Variants in CERS5 observed in about 807,000 individuals in gnomAD.
CERS5 encodes LAG1 homolog, ceramide synthase 5.
CERS5 carries 37 observed loss-of-function variants against 58.9 expected under a neutral mutation model. That is an observed-to-expected ratio of 0.63 (90% CI 0.48 to 0.83). The LOEUF is 0.83. Among genes scored for constraint, CERS5 ranks in the 40% least tolerant of loss-of-function variants. The pLI, the probability that CERS5 is intolerant of heterozygous loss-of-function variation, is 0.00. For synonymous variants in CERS5, 147 were observed against 177.8 expected, an observed-to-expected ratio of 0.83 and a Z score of 1.38; for missense variants, 398 against 489.3, an observed-to-expected ratio of 0.81 and a Z score of 1.76.
chr12:50,155,194 T>C (rs952521038), intron 1 of CERS5, among the ~76,000 whole-genome samples: 1 of 152,136 alleles, frequency 6.6e-6, no homozygotes, highest in African/African-American at 2.4e-5. Flanking sequence ...ATTTAAAATA[T>C]GGTAAAGTTG....
At position 50,135,780 on chromosome 12, in the gene CERS5, A is replaced by T. The variant is rs766161875; in HGVS notation, c.824T>A (p.Ile275Asn). The change falls in exon 8 of 10, where the codon ATC becomes AAC. Residue 275 changes from isoleucine (I) to asparagine (N), a missense_variant. Ile to Asn is a moderately radical substitution (Grantham distance 149, BLOSUM62 -3). This residue lies in a region of CERS5 where 328 missense variants were observed against 384.5 expected (regional missense o/e 0.85). Transcript: ENST00000317551. ...YQRLCDTLFVIFSAVFMVTRL... is the reference protein window; with the variant it reads ...YQRLCDTLFVNFSAVFMVTRL... ...TGTAACCATAAAAACAGCACTGAAG[A>T]TCACAAAAAGGGTGTCACAGAGCCG... 1 of 1,614,154 alleles carries T rather than the reference A, an allele frequency of 6.2e-7. No homozygotes were observed. The highest frequency in any genetic ancestry group is 8.5e-7 in the Non-Finnish European group (1 of 1,180,016).
At position 50,167,283 on chromosome 12, in the gene CERS5, C is replaced by A; in HGVS notation, c.15G>T (p.Ala5=). 6.5e-7 allele frequency: 1 copy of A among 1,543,156 alleles called. No individual in the cohort carries two copies. Among genetic ancestry groups the A allele is most frequent in the Non-Finnish European group, 8.7e-7 (1 of 1,153,776 alleles). The change falls in exon 1 of 10, where the codon GCG becomes GCT. Residue 5 remains alanine, a synonymous_variant. Coordinates refer to ENST00000317551, the MANE Select transcript of CERS5 (RefSeq NM_147190.5). ...CCCACAGCAAGCTTAGGGGTCCCTGCGCTGCTGTCGCCATCTTACGCCCAC... is the reference window on the plus strand; with the variant it reads ...CCCACAGCAAGCTTAGGGGTCCCTGAGCTGCTGTCGCCATCTTACGCCCAC... MATA[A]QGPLSLLWGW... is the part of the protein sequence containing the mutation.
At chr12:50,160,759 G>A (rs961438840) in intron 1 of CERS5, among the ~76,000 whole-genome samples, 2 of 152,134 alleles carry the variant, frequency 1.3e-5, no homozygotes, top group Non-Finnish European at 2.9e-5. Context: ...GATCCAAGAG[G>A]CCTACTTGGA....
intron 4 of CERS5, among the ~76,000 whole-genome samples, chr12:50,140,104 T>A (rs533218427): frequency 6.6e-6 from 1 of 152,192 alleles, no homozygotes; most frequent in Admixed American, 6.5e-5. Flanking sequence ...GAAATTTAGA[T>A]CAACTTTAAA....
chr12:50,163,461 G>A (rs1307173817), intron 1 of CERS5, among the ~76,000 whole-genome samples: 2 of 152,016 alleles, frequency 1.3e-5, no homozygotes, highest in African/African-American at 4.8e-5. Flanking sequence ...GCCTCCCAAA[G>A]TGCTGGGATT....
chr12:50,134,991 G>T (rs1394915287), intron 8 of CERS5, among the ~76,000 whole-genome samples: 1 of 151,838 alleles, frequency 6.6e-6, no homozygotes, highest in Non-Finnish European at 1.5e-5. Flanking sequence ...ACAGCAGTGG[G>T]ACTCTAATCC....
At chr12:50,163,342 G>A (rs1565810606) in intron 1 of CERS5, among the ~76,000 whole-genome samples, 2 of 151,420 alleles carry the variant, frequency 1.3e-5, no homozygotes, top group African/African-American at 4.8e-5. Context: ...GGGATTACAG[G>A]CGCCCGCCAC....
At position 50,132,037 on chromosome 12, in the gene CERS5, C is replaced by T. The variant is rs187710965; in HGVS notation, c.1030-1343G>A. 2.9e-3 allele frequency among the ~76,000 whole-genome samples: 443 copies of T among 150,844 alleles called. 13 individuals carry two copies. The highest frequency in any genetic ancestry group is 0.028 in the Admixed American group (418 of 15,078). ...GGAGCATCTCTTGAGCCCAGGAGGT[C>T]GAGGCTGCAGTGAGCCATGATTGCG... On this transcript the variant is annotated intron_variant, in intron 9 of 9. Coordinates refer to ENST00000317551, the MANE Select transcript of CERS5 (RefSeq NM_147190.5).
At chr12:50,132,712 G>C (rs61926148) in intron 9 of CERS5, among the ~76,000 whole-genome samples, 44,245 of 151,942 alleles carry the variant, frequency 0.29, 7,279 homozygotes, top group East Asian at 0.75. Flanking sequence ...ATTTCCACTA[G>C]AGGGCAGAGT....
At chr12:50,139,094 C>T (rs914518319) in intron 4 of CERS5, among the ~76,000 whole-genome samples, 7 of 152,030 alleles carry the variant, frequency 4.6e-5, no homozygotes, top group African/African-American at 1.2e-4. Flanking sequence ...TAGTGATAAC[C>T]CTTTCCATAT....
At chr12:50,146,557 T>C (rs752673982) in intron 1 of CERS5, among the ~76,000 whole-genome samples, 28 of 152,162 alleles carry the variant, frequency 1.8e-4, no homozygotes, top group Non-Finnish European at 3.5e-4. Context: ...TCCAGCTATA[T>C]GGAGCGTAAG....
chr12:50,161,784 G>GAAAAAAAAAAAAAAA (rs374177550), intron 1 of CERS5, among the ~76,000 whole-genome samples: 2,306 of 90,702 alleles, frequency 0.025, 309 homozygotes, highest in East Asian at 0.057. Flanking sequence ...CTCAAAAAAA[G>GAAAAAAAAAAAAAAA]AAAAAAAAAA....
intron 1 of CERS5, among the ~76,000 whole-genome samples, chr12:50,155,511 T>C (rs960837011): frequency 2.7e-5 from 4 of 150,098 alleles, no homozygotes; most frequent in South Asian, 2.1e-4. Context: ...CTGAGGCAGG[T>C]GGATCACGAG....
intron 1 of CERS5, among the ~76,000 whole-genome samples, chr12:50,164,222 A>G (rs1939623186): frequency 6.6e-6 from 1 of 151,468 alleles, no homozygotes; most frequent in Admixed American, 6.6e-5. Context: ...GGCCTCCCAA[A>G]GTGCTGGGAT....
intron 4 of CERS5, among the ~76,000 whole-genome samples, chr12:50,141,048 ATTC>A (rs1414487213): frequency 3.9e-5 from 6 of 152,138 alleles, no homozygotes; most frequent in East Asian, 1.9e-4. Flanking sequence ...AAAGCCTAAA[ATTC>A]TTCTTCCTTC....
At position 50,134,534 on chromosome 12, in the gene CERS5, T is replaced by C. The variant is rs1312366541; in HGVS notation, c.1029+12A>G. The C allele has an allele frequency of 6.2e-7, 1 of 1,614,152 alleles. No individual in the cohort carries two copies. Among genetic ancestry groups the C allele is most frequent in the East Asian group, 2.2e-5 (1 of 44,890 alleles). Reference sequence around the variant, plus strand: ...CCATACCCAAAAGAAAGAAGCCATCTTTCATCCTCACCTTTCCCCTGATCA... The same window carrying C: ...CCATACCCAAAAGAAAGAAGCCATCCTTCATCCTCACCTTTCCCCTGATCA... On this transcript the variant is annotated intron_variant, in intron 9 of 9. Transcript: ENST00000317551.
At position 50,167,369 on chromosome 12, in the gene CERS5, G is replaced by A; in HGVS notation, c.-72C>T. 1 of 1,430,710 alleles carries A rather than the reference G, an allele frequency of 7.0e-7. No individual in the cohort carries two copies. The highest frequency in any genetic ancestry group is 9.1e-7 in the Non-Finnish European group (1 of 1,102,728). The allele number at this position is 1,430,710 out of a possible 1,614,324, so 88.6% of individuals were successfully genotyped here. On this transcript the variant is annotated 5_prime_UTR_variant, in exon 1 of 10. Transcript: ENST00000317551. ...CCACAGCCAACGGAACCCGCGGGGA[G>A]GCGGCCCCAGGGCGGGGCCCGGCCG...
chr12:50,166,989 C>T, intron 1 of CERS5, 112 bp downstream of exon 1: 2 of 902,684 alleles, frequency 2.2e-6, no homozygotes, highest in East Asian at 5.8e-5. Context: ...GCTCCCCCAG[C>T]CCCTGCTTCC....
intron 1 of CERS5, chr12:50,144,673 G>A: frequency 1.6e-6 from 1 of 639,478 alleles, no homozygotes; most frequent in South Asian, 2.3e-5. Flanking sequence ...AAAGAAATCA[G>A]GAAGCTAGGA....
Sources: gnomAD v4.1 joint callset for allele counts (sites outside exome capture counted in the v4.1 genomes callset) on GRCh38, gnomAD v4.1.1 for gene constraint, gnomAD v4.1.1 regional missense constraint, MANE v1.5 for transcripts, NCBI Gene and HGNC (gene_info 2026-07-23, HGNC 2026-07-21) for gene names.